Variants in SAMMSON observed in about 807,000 individuals in gnomAD.
SAMMSON encodes survival associated mitochondrial melanoma specific oncogenic non-coding RNA, also known as long intergenic non-protein coding RNA 1212.
intron 1 of SAMMSON, among the ~76,000 whole-genome samples, chr3:70,009,642 G>T (rs959488082): frequency 3.3e-5 from 5 of 151,648 alleles, no homozygotes; most frequent in African/African-American, 1.2e-4. Flanking sequence ...ATTCCCTTCA[G>T]TTCTGCTCTG....
chr3:70,173,695 G>C (rs1329060008), intron 4 of SAMMSON, among the ~76,000 whole-genome samples: 3 of 151,764 alleles, frequency 2.0e-5, no homozygotes, highest in African/African-American at 7.3e-5. Context: ...ACAAAAATAA[G>C]TACTTTTTTT....
chr3:70,206,867 T>G (rs1260338962), intron 4 of SAMMSON: 1 of 395,974 alleles, frequency 2.5e-6, no homozygotes, highest in Non-Finnish European at 4.5e-6. Context: ...ATGCAGAAAT[T>G]TTCACATTTG....
At chr3:70,270,767 C>A (rs1206278623) in intron 6 of SAMMSON, among the ~76,000 whole-genome samples, 1 of 152,172 alleles carries the variant, frequency 6.6e-6, no homozygotes, top group African/African-American at 2.4e-5. Flanking sequence ...CCATCATTCT[C>A]AGCAAACTAA....
At chr3:70,023,910 C>T (rs1015505915) in intron 3 of SAMMSON, among the ~76,000 whole-genome samples, 1 of 152,190 alleles carries the variant, frequency 6.6e-6, no homozygotes, top group African/African-American at 2.4e-5. Flanking sequence ...CTCTGTCCTT[C>T]TGTTCATATT....
At chr3:70,154,482 C>T (rs2067584167) in intron 4 of SAMMSON, among the ~76,000 whole-genome samples, 1 of 152,000 alleles carries the variant, frequency 6.6e-6, no homozygotes, top group Non-Finnish European at 1.5e-5. Flanking sequence ...TGTACCCCTC[C>T]CACTAACAAG....
chr3:70,340,326 G>C (rs1702702298), intron 7 of SAMMSON, among the ~76,000 whole-genome samples: 1 of 151,494 alleles, frequency 6.6e-6, no homozygotes, highest in South Asian at 2.1e-4. Flanking sequence ...CACCAACATG[G>C]CACATGTATA....
chr3:70,153,387 A>G (rs1463759796), intron 4 of SAMMSON, among the ~76,000 whole-genome samples: 1 of 151,894 alleles, frequency 6.6e-6, no homozygotes, highest in East Asian at 1.9e-4. Context: ...TGTTTGGGGG[A>G]ACCCTGCAAG....
chr3:70,275,703 C>T (rs150480410), intron 6 of SAMMSON, among the ~76,000 whole-genome samples: 2 of 152,158 alleles, frequency 1.3e-5, no homozygotes, highest in East Asian at 1.9e-4. Context: ...TACCTCAAAG[C>T]GTCGTTGAAA....
chr3:70,333,715 G>C (rs1702641925), intron 7 of SAMMSON, among the ~76,000 whole-genome samples: 1 of 152,086 alleles, frequency 6.6e-6, no homozygotes, highest in Non-Finnish European at 1.5e-5. Context: ...ACGTATTGCT[G>C]CTGTATAGCA....
chr3:70,244,203 G>A (rs1028901910), intron 4 of SAMMSON, among the ~76,000 whole-genome samples: 3 of 152,122 alleles, frequency 2.0e-5, no homozygotes, highest in Non-Finnish European at 4.4e-5. Flanking sequence ...ATTTTAACAA[G>A]ATGCTTCCTT....
chr3:70,129,356 C>T (rs1385554089), intron 4 of SAMMSON, among the ~76,000 whole-genome samples: 4 of 152,116 alleles, frequency 2.6e-5, no homozygotes, highest in African/African-American at 9.7e-5. Flanking sequence ...TTTATGATTG[C>T]ACTCATTTCC....
At chr3:70,407,422 T>A (rs1454148257) in intron 2 of SAMMSON, among the ~76,000 whole-genome samples, 1 of 152,174 alleles carries the variant, frequency 6.6e-6, no homozygotes, top group African/African-American at 2.4e-5. Flanking sequence ...AGCAAGCTGG[T>A]TACTTCCTAG....
rs114442963 is a variant in SAMMSON at position 70,227,121 on chromosome 3, T to G, written n.508-21986T>G. Among the ~76,000 whole-genome samples the G allele has an allele frequency of 8.5e-3, 1,292 of 152,226 alleles. 21 individuals are homozygous for G. The highest frequency in any genetic ancestry group is 0.029 in the African/African-American group (1,218 of 41,512). On this transcript the variant is annotated intron_variant and non_coding_transcript_variant, in intron 4 of 9. Coordinates refer to ENST00000642114, the Ensembl canonical transcript of SAMMSON. Reference sequence around the variant, plus strand: ...TATCCAAGTTCCCTTAACTCCTGTGTAAGATACTTGAAATACAGGTTAAAG... The same window carrying G: ...TATCCAAGTTCCCTTAACTCCTGTGGAAGATACTTGAAATACAGGTTAAAG...
chr3:70,069,966 C>T (rs1440668079), intron 3 of SAMMSON: 1 of 151,978 alleles, frequency 6.6e-6, no homozygotes, highest in Admixed American at 6.6e-5. Flanking sequence ...ATCAGACTTC[C>T]TTCTGATCTG....
chr3:70,201,949 T>C (rs1399145377), intron 4 of SAMMSON, among the ~76,000 whole-genome samples: 1 of 152,204 alleles, frequency 6.6e-6, no homozygotes, highest in Non-Finnish European at 1.5e-5. Context: ...CTCTTTGCTT[T>C]GGGTGGTGTC....
At chr3:70,338,639 C>T (rs1286001799) in intron 7 of SAMMSON, among the ~76,000 whole-genome samples, 3 of 152,092 alleles carry the variant, frequency 2.0e-5, no homozygotes, top group African/African-American at 7.2e-5. Context: ...CATGAGTGAA[C>T]TCCCATTCAC....
intron 7 of SAMMSON, among the ~76,000 whole-genome samples, chr3:70,342,950 C>G (rs755461193): frequency 1.4e-4 from 22 of 152,062 alleles, no homozygotes; most frequent in Non-Finnish European, 2.9e-4. Flanking sequence ...GTAGTAGGTA[C>G]TAAAAGTTAG....
intron 4 of SAMMSON, chr3:70,126,397 G>T: frequency 3.6e-6 from 3 of 842,710 alleles, no homozygotes; most frequent in Non-Finnish European, 5.9e-6. Context: ...GCTTTTTAGG[G>T]AATGTGGCAA....
rs1450622869 is a variant in SAMMSON at position 70,322,545 on chromosome 3, A to G, written n.739+31302A>G. ...TACATTTTTTTGTAACCCAGGAGGGAAAGAAAAAAATGTTATCTTGATCAG... is the reference window on the plus strand; with the variant it reads ...TACATTTTTTTGTAACCCAGGAGGGGAAGAAAAAAATGTTATCTTGATCAG... On this transcript the variant is annotated intron_variant and non_coding_transcript_variant, in intron 7 of 9. Transcript: ENST00000642114. Among the ~76,000 whole-genome samples, 8 of 152,266 alleles carry G rather than the reference A, an allele frequency of 5.3e-5. No individual in the cohort carries two copies. The East Asian group carries it at 1.5e-3, about 29-fold the overall frequency.
Sources: allele counts gnomAD v4.1 joint callset (sites outside exome capture counted in the v4.1 genomes callset), GRCh38; gene constraint gnomAD v4.1.1; transcripts MANE v1.5; gene names NCBI Gene and HGNC (gene_info 2026-07-23, HGNC 2026-07-21).